Variants in HEPN1 observed in about 807,000 individuals in gnomAD.
The protein encoded by HEPN1 is protein HEPN1.
For synonymous variants in HEPN1, 46 were observed against 41.2 expected (o/e 1.12, Z -0.45); for missense variants, 97 against 103.3 (o/e 0.94, Z 0.26).
exon 1 of HEPN1, chr11:124,919,377 A>G (rs756861875): frequency 2.5e-5 from 6 of 239,538 alleles, no homozygotes; most frequent in Non-Finnish European, 4.0e-5. Context: ...CCCACCCCCA[A>G]TTTAAGGCAG....
chr11:124,919,874 G>C, exon 1 of HEPN1: 2 of 1,614,162 alleles, frequency 1.2e-6, no homozygotes, highest in Non-Finnish European at 1.7e-6. Flanking sequence ...TACACAGAGG[G>C]CCTCCTTCTC....
exon 1 of HEPN1, chr11:124,919,473 T>C (rs1255338089): frequency 2.1e-6 from 1 of 476,676 alleles, no homozygotes; most frequent in African/African-American, 1.9e-5. Flanking sequence ...CCTTCACCTG[T>C]GCATCTCAAG....
exon 1 of HEPN1, chr11:124,920,297 G>A (rs1947109505): frequency 3.4e-6 from 4 of 1,186,256 alleles, no homozygotes; most frequent in South Asian, 3.0e-5. Flanking sequence ...TCCTCATTTG[G>A]TCTAGTTTTC....
In HEPN1 at chr11:124,920,585, C is replaced by G. The variant is rs958335863; in HGVS notation, c.*568C>G. 2.4e-6 allele frequency: 3 copies of G among 1,230,638 alleles called. No individual in the cohort carries two copies. In the African/African-American group the frequency reaches 4.8e-5, roughly 20 times the overall value. 76.2% of individuals were successfully genotyped at this position (1,230,638 alleles called of 1,614,324 possible). A position where few individuals can be genotyped will look rare whatever the true frequency, so the allele number is the denominator to read the frequency against. ...TCACAATGATCCCCCCAGCTCAGAACAGCCCCTGCACACCCAGTAACCGGC... is the reference window on the plus strand; with the variant it reads ...TCACAATGATCCCCCCAGCTCAGAAGAGCCCCTGCACACCCAGTAACCGGC... On this transcript the variant is annotated 3_prime_UTR_variant, in exon 1 of 1. Coordinates refer to ENST00000408930, the Ensembl canonical transcript of HEPN1.
At chr11:124,920,435 A>T (rs1947112161) in exon 1 of HEPN1, 1 of 1,547,582 alleles carries the variant, frequency 6.5e-7, no homozygotes, top group African/African-American at 1.4e-5. Context: ...GGAGGAGGCC[A>T]AGCTGGCAGG....
chr11:124,920,143 T>G lies in HEPN1; in HGVS notation c.*126T>G, dbSNP rs1466737432. ...TGCTGGGAAGCAATAAGCCTCCTCC[T>G]CCCCCCACCATTTCTCTGGAGATTA... On this transcript the variant is annotated 3_prime_UTR_variant, in exon 1 of 1. Transcript: ENST00000408930. 3.7e-6 allele frequency: 4 copies of G among 1,095,748 alleles called. No individual in the cohort carries two copies. In the African/African-American group the frequency reaches 6.3e-5, roughly 17 times the overall value. The allele number at this position is 1,095,748 out of a possible 1,614,324, so 67.9% of individuals were successfully genotyped here.
At position 124,919,660 on chromosome 11, in the gene HEPN1, C is replaced by T; in HGVS notation, c.-91C>T. The T allele has an allele frequency of 1.4e-6, 2 of 1,430,866 alleles. No homozygotes were observed. Among genetic ancestry groups the T allele is most frequent in the East Asian group, 4.6e-5 (2 of 43,802 alleles). The allele number at this position is 1,430,866 out of a possible 1,614,324, so 88.6% of individuals were successfully genotyped here. ...AGTGCCGAGGGACAGGGAGCTGAGACAGGCATGCTGTGGGGTTCAGGGCAG... is the reference window on the plus strand; with the variant it reads ...AGTGCCGAGGGACAGGGAGCTGAGATAGGCATGCTGTGGGGTTCAGGGCAG... On this transcript the variant is annotated 5_prime_UTR_variant, in exon 1 of 1. An upstream open reading frame in the 5' UTR gains an earlier in-frame stop. Coordinates refer to ENST00000408930, the Ensembl canonical transcript of HEPN1.
exon 1 of HEPN1, chr11:124,919,648 A>C: frequency 7.5e-7 from 1 of 1,334,634 alleles, no homozygotes; most frequent in Non-Finnish European, 1.0e-6. Context: ...GCCGAGGGAC[A>C]GGGAGCTGAG....
exon 1 of HEPN1, chr11:124,919,741 T>C (rs987309911): frequency 6.2e-7 from 1 of 1,612,634 alleles, no homozygotes; most frequent in Non-Finnish European, 8.5e-7. Flanking sequence ...CTTGACCTGG[T>C]GTGGAGGTGA....
At chr11:124,920,593 G>GCACACC in exon 1 of HEPN1, 1 of 1,122,190 alleles carries the variant, frequency 8.9e-7, no homozygotes, top group Non-Finnish European at 1.1e-6. Flanking sequence ...AACAGCCCCT[G>GCACACC]CACACCCAGT....
chr11:124,920,327 A>T (rs778932700), exon 1 of HEPN1: 3 of 1,444,450 alleles, frequency 2.1e-6, no homozygotes, highest in Middle Eastern at 1.8e-4. Flanking sequence ...GAGTAAGTGA[A>T]ATTCACTTCT....
At chr11:124,920,585 C>T (rs958335863) in exon 1 of HEPN1, 2 of 1,230,520 alleles carry the variant, frequency 1.6e-6, no homozygotes, top group African/African-American at 1.6e-5. Flanking sequence ...CAGCTCAGAA[C>T]AGCCCCTGCA....
At chr11:124,920,647 C>A in exon 1 of HEPN1, 1 of 342,954 alleles carries the variant, frequency 2.9e-6, no homozygotes. Flanking sequence ...GCTGTGGATT[C>A]TGGGAAAGTG....
At chr11:124,919,395 T>C in exon 1 of HEPN1, 1 of 261,822 alleles carries the variant, frequency 3.8e-6, no homozygotes, top group South Asian at 9.0e-5. Flanking sequence ...CAGATTTGGC[T>C]TAAGCCTGGC....
chr11:124,919,906 C>T (rs1947101205), exon 1 of HEPN1: 3 of 1,614,168 alleles, frequency 1.9e-6, no homozygotes, highest in East Asian at 2.2e-5. Context: ...TAATTGCCCT[C>T]TCTCCTCACA....
chr11:124,919,549 C>T (rs1947094599), exon 1 of HEPN1: 8 of 600,958 alleles, frequency 1.3e-5, no homozygotes, highest in South Asian at 4.4e-5. Context: ...AAACTTTTCC[C>T]CTACATGCAT....
Position 124,919,740 on chromosome 11 carries a change from G to A in HEPN1, c.-11G>A, listed in dbSNP as rs745717656. 6.2e-6 allele frequency: 10 copies of A among 1,612,868 alleles called. No homozygotes were observed. The highest frequency in any genetic ancestry group is 1.3e-5 in the African/African-American group (1 of 74,900). The stretch of plus-strand genomic sequence containing the variant: ...TGGGGCTGAGACAAAACTTGACCTG[G>A]TGTGGAGGTGATGGGTAACTGGGGC... On this transcript the variant is annotated 5_prime_UTR_variant, in exon 1 of 1. It adds an upstream start codon to the 5' untranslated region. Coordinates refer to ENST00000408930, the Ensembl canonical transcript of HEPN1.
chr11:124,920,340 A>G (rs1021677278), exon 1 of HEPN1: 4 of 1,484,772 alleles, frequency 2.7e-6, no homozygotes, highest in South Asian at 2.5e-5. Flanking sequence ...TCACTTCTCT[A>G]TAAGAATAAG....
At chr11:124,920,551 A>G (rs1200309675) in exon 1 of HEPN1, 1 of 1,369,838 alleles carries the variant, frequency 7.3e-7, no homozygotes, top group East Asian at 3.3e-5. Context: ...TGCCCAGGGA[A>G]GAAGGCCTTC....
Sources: gnomAD v4.1 joint callset for allele counts on GRCh38, gnomAD v4.1.1 for gene constraint, MANE v1.5 for transcripts, NCBI Gene and HGNC (gene_info 2026-07-23, HGNC 2026-07-21) for gene names.